The following SOX5 variants were observed in gnomAD, a reference collection of about 807,000 sequenced individuals.
The protein encoded by SOX5 is SRY-box transcription factor 5.
A neutral mutation model predicts 92.0 loss-of-function variants in SOX5; 9 were observed. The ratio of observed to expected loss-of-function variants is 0.10; its 90% CI spans 0.06 to 0.17. SOX5 has a LOEUF of 0.17. Among genes scored for constraint, SOX5 ranks in the 10% least tolerant of loss-of-function variants. The pLI, the probability that SOX5 is intolerant of heterozygous loss-of-function variation, is 1.00. For missense variants in SOX5, 642 were observed against 944.5 expected (o/e 0.68, Z 4.20); for synonymous variants, 344 against 336.3 (o/e 1.02, Z -0.25).
At chr12:24,257,625 C>G (rs568299230) in intron 3 of SOX5, among the ~76,000 whole-genome samples, 1 of 152,034 alleles carries the variant, frequency 6.6e-6, no homozygotes, top group South Asian at 2.1e-4. Flanking sequence ...CGCACCACCA[C>G]GACTGGCTAA....
intron 4 of SOX5, among the ~76,000 whole-genome samples, chr12:24,137,679 A>C (rs960272280): frequency 1.3e-5 from 2 of 152,200 alleles, no homozygotes; most frequent in African/African-American, 4.8e-5. Context: ...CTCTGTTGTA[A>C]GTCTTCAAAC....
At chr12:23,901,526 C>T (rs1380867242) in intron 1 of SOX5, among the ~76,000 whole-genome samples, 2 of 152,116 alleles carry the variant, frequency 1.3e-5, no homozygotes, top group South Asian at 2.1e-4. Context: ...TGCCTTCTTC[C>T]TCTCTTCATT....
At chr12:24,298,349 G>A (rs186689638) in intron 2 of SOX5, among the ~76,000 whole-genome samples, 7 of 152,280 alleles carry the variant, frequency 4.6e-5, no homozygotes, top group South Asian at 2.1e-4. Flanking sequence ...GATTACAGGC[G>A]TGAGCCACCA....
chr12:23,708,252 A>C (rs2091660169), intron 6 of SOX5, among the ~76,000 whole-genome samples: 1 of 151,576 alleles, frequency 6.6e-6, no homozygotes, highest in Non-Finnish European at 1.5e-5. Context: ...GGCCTTACTG[A>C]ATGTGACTAC....
chr12:23,646,781 C>T (rs977305470), intron 7 of SOX5, among the ~76,000 whole-genome samples: 20 of 152,290 alleles, frequency 1.3e-4, no homozygotes, highest in African/African-American at 4.3e-4. Flanking sequence ...CATGAGATGG[C>T]AGCAATTTAG....
intron 1 of SOX5, among the ~76,000 whole-genome samples, chr12:24,432,080 G>A (rs1453180505): frequency 6.6e-6 from 1 of 152,124 alleles, no homozygotes; most frequent in Admixed American, 6.5e-5. Context: ...CCAAAGATTG[G>A]CAGACTGGGG....
chr12:24,536,739 C>A (rs138964996), intron 1 of SOX5, among the ~76,000 whole-genome samples: 81 of 152,258 alleles, frequency 5.3e-4, no homozygotes, highest in African/African-American at 1.9e-3. Context: ...CTAATTTAAG[C>A]TTTGTAATCT....
intron 11 of SOX5, among the ~76,000 whole-genome samples, chr12:23,556,147 T>TACTC (rs1018269121): frequency 6.6e-6 from 1 of 152,100 alleles, no homozygotes; most frequent in African/African-American, 2.4e-5. Flanking sequence ...CTAGCTAAGA[T>TACTC]ACTCAGAATT....
rs190999387 is a variant in SOX5 at position 24,325,593 on chromosome 12, T to G, written c.-174+42970A>C. Among the ~76,000 whole-genome samples, 43 of 152,150 alleles carry G rather than the reference T, an allele frequency of 2.8e-4. 1 individual carries two copies. The highest frequency in any genetic ancestry group is 2.6e-3 in the Admixed American group (40 of 15,280). ...CCACCCAAAAGCATATACTAATACA[T>G]AAAGAACAGTAAAGAATAACTTTAT... is the stretch of plus-strand genomic sequence containing the variant. On this transcript the variant is annotated intron_variant, in intron 2 of 4. Coordinates refer to the SOX5 transcript ENST00000446891.
At chr12:24,204,750 A>C (rs993200304) in intron 4 of SOX5, among the ~76,000 whole-genome samples, 2 of 152,142 alleles carry the variant, frequency 1.3e-5, no homozygotes, top group African/African-American at 4.8e-5. Context: ...TTCTCTCCCA[A>C]AGGCTTGTAT....
chr12:23,589,912 C>T (rs1207180790), intron 9 of SOX5, among the ~76,000 whole-genome samples: 3 of 151,806 alleles, frequency 2.0e-5, no homozygotes, highest in Admixed American at 6.6e-5. Flanking sequence ...TAATCCCTAC[C>T]CTCATGGGAC....
At chr12:23,577,806 T>C (rs902927207) in intron 9 of SOX5, among the ~76,000 whole-genome samples, 1 of 151,834 alleles carries the variant, frequency 6.6e-6, no homozygotes, top group Non-Finnish European at 1.5e-5. Context: ...TTTGGAGAAG[T>C]TTACTTTAGC....
At chr12:23,938,364 T>C (rs1199775360) in intron 1 of SOX5, among the ~76,000 whole-genome samples, 1 of 151,058 alleles carries the variant, frequency 6.6e-6, no homozygotes, top group East Asian at 1.9e-4. Context: ...CTTATGTTGC[T>C]TTTACTATGA....
intron 1 of SOX5, among the ~76,000 whole-genome samples, chr12:24,384,039 T>C (rs1958106571): frequency 6.6e-6 from 1 of 152,180 alleles, no homozygotes; most frequent in African/African-American, 2.4e-5. Flanking sequence ...CTCTCTCACG[T>C]GCTGCCATGT....
chr12:24,310,340 G>A (rs537571702), intron 2 of SOX5, among the ~76,000 whole-genome samples: 1 of 152,202 alleles, frequency 6.6e-6, no homozygotes, highest in East Asian at 1.9e-4. Flanking sequence ...TATGTATTAC[G>A]GTTTCTGGGT....
chr12:23,655,743 G>T (rs2082227243), intron 7 of SOX5, among the ~76,000 whole-genome samples: 2 of 152,058 alleles, frequency 1.3e-5, no homozygotes, highest in South Asian at 2.1e-4. Flanking sequence ...CATTTAGAAT[G>T]ATTGCTGGCC....
intron 3 of SOX5, among the ~76,000 whole-genome samples, chr12:23,774,724 G>A (rs1282148420): frequency 1.3e-5 from 2 of 152,050 alleles, no homozygotes; most frequent in African/African-American, 2.4e-5. Context: ...TGTGCACTGA[G>A]AAGTCCTCTA....
chr12:24,149,929 T>G (rs74068404), intron 4 of SOX5, among the ~76,000 whole-genome samples: 1 of 152,016 alleles, frequency 6.6e-6, no homozygotes, highest in Non-Finnish European at 1.5e-5. Context: ...AAAAAGAACA[T>G]TGAAAAAAAT....
intron 2 of SOX5, among the ~76,000 whole-genome samples, chr12:24,304,890 C>T (rs57665578): frequency 0.012 from 1,899 of 152,260 alleles, 37 homozygotes; most frequent in African/African-American, 0.044. Flanking sequence ...ACTCTACCTC[C>T]TGCCTTCCAT....
Sources: allele counts gnomAD v4.1 joint callset (sites outside exome capture counted in the v4.1 genomes callset), GRCh38; gene constraint gnomAD v4.1.1; transcripts MANE v1.5; gene names NCBI Gene and HGNC (gene_info 2026-07-23, HGNC 2026-07-21).